The following LRRFIP1 variants were observed in gnomAD, a reference collection of about 807,000 sequenced individuals.
The protein encoded by LRRFIP1 is LRR binding FLII interacting protein 1, also known as leucine-rich repeat flightless-interacting protein 1.
LRRFIP1 carries 62 observed loss-of-function variants against 104.4 expected under a neutral mutation model. The ratio of observed to expected loss-of-function variants is 0.59; its 90% CI spans 0.48 to 0.73. The LOEUF (loss-of-function observed/expected upper bound fraction) is 0.73, where lower values mean the gene tolerates loss of function less well. Among genes scored for constraint, LRRFIP1 ranks in the 30% least tolerant of loss-of-function variants. The probability of loss-of-function intolerance (pLI) is 0.00; values close to 1 mark genes in which losing one functional copy is unlikely to be tolerated. For missense variants in LRRFIP1, 796 were observed against 824.5 expected, an observed-to-expected ratio of 0.97 and a Z score of 0.42; for synonymous variants, 300 against 299.0, an observed-to-expected ratio of 1.00 and a Z score of -0.03.
At chr2:237,748,057 G>A (rs1220814780) in intron 11 of LRRFIP1, among the ~76,000 whole-genome samples, 2 of 152,176 alleles carry the variant, frequency 1.3e-5, no homozygotes, top group African/African-American at 2.4e-5. Context: ...TCCAGGGTCC[G>A]TTCCTCATGT....
chr2:237,692,391 G>C (rs1176506903), intron 1 of LRRFIP1: 1 of 1,410,936 alleles, frequency 7.1e-7, no homozygotes, highest in African/African-American at 1.5e-5. Flanking sequence ...GGCCCGGCCC[G>C]CGAGGGGCTC....
Position 237,733,822 on chromosome 2 carries a change from C to G in LRRFIP1, c.489+4C>G, listed in dbSNP as rs202094459. ...CCGGCCTTCGGGGAGTTACCGGGTG[C>G]GTGTGCTGCCCACCCTGCTGCCCCG... is the stretch of plus-strand genomic sequence containing the variant. On this transcript the variant is annotated splice_donor_region_variant and intron_variant, in intron 9 of 23. Transcript: ENST00000308482. The G allele has an allele frequency of 7.4e-6, 12 of 1,613,932 alleles. No homozygotes were observed. The South Asian group carries it at 1.3e-4, about 18-fold the overall frequency.
At chr2:237,743,235 C>T (rs968516300) in intron 11 of LRRFIP1, among the ~76,000 whole-genome samples, 5 of 151,944 alleles carry the variant, frequency 3.3e-5, no homozygotes, top group African/African-American at 1.2e-4. Context: ...TGTAGGGAGT[C>T]CCGCCCTGGG....
intron 20 of LRRFIP1, chr2:237,770,591 C>G (rs898331896): frequency 6.6e-6 from 1 of 152,602 alleles, no homozygotes; most frequent in African/African-American, 2.4e-5. Context: ...GTCAGGAGTT[C>G]AAGAGCAGTC....
chr2:237,713,141 C>T (rs984859383), intron 2 of LRRFIP1, among the ~76,000 whole-genome samples: 40 of 151,674 alleles, frequency 2.6e-4, no homozygotes, highest in African/African-American at 8.7e-4. Context: ...AAGCATGGAG[C>T]GTGTACGGAG....
At chr2:237,669,108 C>T (rs1159947239) in intron 1 of LRRFIP1, among the ~76,000 whole-genome samples, 1 of 152,302 alleles carries the variant, frequency 6.6e-6, no homozygotes, top group Non-Finnish European at 1.5e-5. Context: ...ATCACGTCCT[C>T]ACTTCCGTAT....
chr2:237,741,686 GGT>G (rs1203544452), intron 11 of LRRFIP1, among the ~76,000 whole-genome samples: 1 of 152,032 alleles, frequency 6.6e-6, no homozygotes, highest in Non-Finnish European at 1.5e-5. Flanking sequence ...AAATTAGCCG[GGT>G]GTAGTGGCGC....
chr2:237,681,993 C>T (rs1014805720), intron 1 of LRRFIP1, among the ~76,000 whole-genome samples: 2 of 152,130 alleles, frequency 1.3e-5, no homozygotes, highest in Non-Finnish European at 2.9e-5. Context: ...ACAAGCTTGG[C>T]TTTGGGAATA....
intron 11 of LRRFIP1, 126 bp from the exon 12 acceptor site, chr2:237,748,238 T>C: frequency 1.3e-6 from 1 of 774,790 alleles, no homozygotes; most frequent in South Asian, 1.6e-5. Flanking sequence ...GTCCCATTTT[T>C]CTGCTTCTAA....
rs2085520226 is a variant in LRRFIP1 at position 237,649,434 on chromosome 2, G to A, written c.96+21694G>A. Among the ~76,000 whole-genome samples, 1 of 152,016 alleles carries A rather than the reference G, an allele frequency of 6.6e-6. No homozygotes were observed. The highest frequency in any genetic ancestry group is 1.5e-5 in the Non-Finnish European group (1 of 67,960). ...TAATCCCAGCTACTGGGGAGGCTGA[G>A]GCGGGAGAATTGCTTGAGCCCAGGA... On this transcript the variant is annotated intron_variant, in intron 1 of 23. Transcript: ENST00000308482. The surrounding 1 kb of genome is among the most constrained non-coding windows in gnomAD (Gnocchi z 4.1).
chr2:237,709,764 A>G (rs1023666765), intron 2 of LRRFIP1, among the ~76,000 whole-genome samples: 62 of 152,094 alleles, frequency 4.1e-4, no homozygotes, highest in African/African-American at 1.4e-3. Context: ...CATCCTGCAC[A>G]CTCAAGCTCT....
chr2:237,728,983 T>C (rs7569993), intron 8 of LRRFIP1, among the ~76,000 whole-genome samples: 19,260 of 152,250 alleles, frequency 0.13, 2,803 homozygotes, highest in African/African-American at 0.36. Context: ...AGTGCAGTGG[T>C]GCTATCTCAG....
At chr2:237,727,651 C>G (rs541329829) in intron 7 of LRRFIP1, among the ~76,000 whole-genome samples, 1 of 152,302 alleles carries the variant, frequency 6.6e-6, no homozygotes, top group African/African-American at 2.4e-5. Context: ...ATGAAGCCTA[C>G]TGACTTGGTT....
At position 237,649,685 on chromosome 2, in the gene LRRFIP1, T is replaced by A. The variant is rs2085581748; in HGVS notation, c.96+21945T>A. On this transcript the variant is annotated intron_variant, in intron 1 of 23. Transcript: ENST00000308482. This position sits in a 1 kb window ranked among gnomAD's most constrained non-coding sequence, Gnocchi z 4.1. The stretch of plus-strand genomic sequence containing the variant: ...TGTGAGGGATGTTCACATGTCACAT[T>A]TCTCACCGGAGTCCTCGTCCCATCG... Among the ~76,000 whole-genome samples, 1 of 151,996 alleles carries A rather than the reference T, an allele frequency of 6.6e-6. No homozygotes were observed. The highest frequency in any genetic ancestry group is 6.5e-5 in the Admixed American group (1 of 15,272).
At chr2:237,757,679 TATTA>T in intron 17 of LRRFIP1, 131 bp downstream of exon 17, 1 of 680,490 alleles carries the variant, frequency 1.5e-6, no homozygotes, top group Non-Finnish European at 2.6e-6. Context: ...CACAAAGTCG[TATTA>T]ATTTATTTAA....
chr2:237,655,990 A>G (rs1344616512), intron 1 of LRRFIP1, among the ~76,000 whole-genome samples: 1 of 152,222 alleles, frequency 6.6e-6, no homozygotes, highest in Non-Finnish European at 1.5e-5. Context: ...CACTGAATCA[A>G]CTGTCAGTCT....
At chr2:237,757,212 C>T (rs915371183) in intron 16 of LRRFIP1, among the ~76,000 whole-genome samples, 1 of 152,140 alleles carries the variant, frequency 6.6e-6, no homozygotes, top group African/African-American at 2.4e-5. Context: ...TTGACTTAAT[C>T]GGTTCTTTAA....
intron 11 of LRRFIP1, among the ~76,000 whole-genome samples, chr2:237,743,893 A>G (rs1279811912): frequency 6.6e-6 from 1 of 152,016 alleles, no homozygotes; most frequent in African/African-American, 2.4e-5. Context: ...CCAAAATCTC[A>G]CTGGGAACCT....
In LRRFIP1 at chr2:237,691,560, G is replaced by A. The variant is rs905820291; in HGVS notation, c.97-16984G>A. Among the ~76,000 whole-genome samples the A allele has an allele frequency of 1.3e-5, 2 of 152,234 alleles. No homozygotes were observed. The highest frequency in any genetic ancestry group is 4.8e-5 in the African/African-American group (2 of 41,460). ...CCCTTCTCGGGATGCCGCGTTAGTGGGGTGCCCGGCCGGCAGGTGCAGCGG... is the reference window on the plus strand; with the variant it reads ...CCCTTCTCGGGATGCCGCGTTAGTGAGGTGCCCGGCCGGCAGGTGCAGCGG... On this transcript the variant is annotated intron_variant, in intron 1 of 23. Transcript: ENST00000308482. The surrounding 1 kb of genome is among the most constrained non-coding windows in gnomAD (Gnocchi z 5.4).
Sources: gnomAD v4.1 joint callset for allele counts (sites outside exome capture counted in the v4.1 genomes callset) on GRCh38, gnomAD v4.1.1 for gene constraint, Gnocchi (gnomAD v3.1) non-coding constraint, MANE v1.5 for transcripts, NCBI Gene and HGNC (gene_info 2026-07-23, HGNC 2026-07-21) for gene names.